Variants in TENM1 observed in about 807,000 individuals in gnomAD.
TENM1 encodes the protein teneurin transmembrane protein 1, also known as teneurin-1.
Under a neutral mutation model 174.8 loss-of-function variants are expected in TENM1, and 35 were observed. The observed-to-expected ratio is 0.20, with a 90% CI of 0.15 to 0.27. The LOEUF is 0.27. Ranked by LOEUF, TENM1 falls within the 10% of genes least tolerant of loss-of-function variation. The pLI, the probability that TENM1 is intolerant of heterozygous loss-of-function variation, is 1.00. For synonymous variants in TENM1, 781 were observed against 798.7 expected, an observed-to-expected ratio of 0.98 and a Z score of 0.37; for missense variants, 1,633 against 2,130.1, an observed-to-expected ratio of 0.77 and a Z score of 4.59.
At chrX:124,699,077 T>A (rs750533856) in intron 5 of TENM1, among the ~76,000 whole-genome samples, 3 of 112,243 alleles carry the variant, frequency 2.7e-5, no homozygotes, top group African/African-American at 9.7e-5. Flanking sequence ...TAACGACTTA[T>A]GCAATGTGGC....
chrX:125,123,722 C>T, the TENM1 span, among the ~76,000 whole-genome samples: 1 of 112,359 alleles, frequency 8.9e-6, no homozygotes, highest in African/African-American at 3.2e-5. Context: ...ACTTATAAAA[C>T]AACATTAATA....
At chrX:124,588,537 T>C (rs1364272472) in intron 11 of TENM1, among the ~76,000 whole-genome samples, 5 of 100,581 alleles carry the variant, frequency 5.0e-5, no homozygotes, top group Non-Finnish European at 6.0e-5. Context: ...CTCTGGGGAC[T>C]GTTGTGGGGT....
At chrX:125,191,720 G>C in the TENM1 span, among the ~76,000 whole-genome samples, 1 of 111,610 alleles carries the variant, frequency 9.0e-6, no homozygotes, top group Admixed American at 9.5e-5. Flanking sequence ...CTTTTCTGGT[G>C]ACATTATTAT....
intron 3 of TENM1, among the ~76,000 whole-genome samples, chrX:124,760,880 C>T (rs773250277): frequency 5.8e-4 from 65 of 111,410 alleles, no homozygotes; most frequent in African/African-American, 7.8e-4. Flanking sequence ...TCAAAAAGTG[C>T]GCAAAGGATA....
At chrX:124,659,254 G>T (rs2051529300) in intron 6 of TENM1, among the ~76,000 whole-genome samples, 1 of 111,255 alleles carries the variant, frequency 9.0e-6, no homozygotes, top group Non-Finnish European at 1.9e-5. Context: ...GGTCAAGGTG[G>T]AATAAAATAT....
rs144260591 is a variant in TENM1, at chrX:124,529,715, T to A, written c.2771+149A>T. ...AATCCAGTTTGAATTAATTAGGAAATAGAGGAAATAAATATCACCAATGAC... is the reference window on the plus strand; with the variant it reads ...AATCCAGTTTGAATTAATTAGGAAAAAGAGGAAATAAATATCACCAATGAC... On this transcript the variant is annotated intron_variant, in intron 16 of 31. Transcript: ENST00000422452. 2.6e-3 allele frequency: 1,952 copies of A among 755,054 alleles called. 32 individuals are homozygous for A. The African/African-American group carries it at 0.037, about 14-fold the overall frequency. 62.2% of individuals were successfully genotyped at this position (755,054 alleles called of 1,213,427 possible).
chrX:124,680,056 GA>G (rs199534628), intron 5 of TENM1, among the ~76,000 whole-genome samples: 2 of 110,202 alleles, frequency 1.8e-5, no homozygotes, highest in Admixed American at 1.9e-4. Context: ...CTAATTAAAA[GA>G]AAAAAAACAA....
chrX:125,126,267 T>C, the TENM1 span, among the ~76,000 whole-genome samples: 1 of 111,682 alleles, frequency 9.0e-6, no homozygotes, highest in Non-Finnish European at 1.9e-5. Context: ...TTAGCCTTGT[T>C]ACATCAATCA....
intron 14 of TENM1, among the ~76,000 whole-genome samples, chrX:124,548,819 G>C (rs758964086): frequency 9.0e-6 from 1 of 111,255 alleles, no homozygotes; most frequent in African/African-American, 3.3e-5. Context: ...CAATGAAAGC[G>C]AGGAACACCA....
At chrX:124,586,517 A>G (rs1329311385) in intron 11 of TENM1, among the ~76,000 whole-genome samples, 1 of 111,701 alleles carries the variant, frequency 9.0e-6, no homozygotes, top group Non-Finnish European at 1.9e-5. Context: ...TCAATAAACT[A>G]GGTGTTGATG....
chrX:124,409,610 C>T (rs1371681543), intron 25 of TENM1, among the ~76,000 whole-genome samples: 1 of 109,620 alleles, frequency 9.1e-6, no homozygotes, highest in Non-Finnish European at 1.9e-5. Flanking sequence ...GATTGTATAT[C>T]TAGAAAACCC....
chrX:124,510,816 C>CTG (rs1287559051), intron 18 of TENM1, among the ~76,000 whole-genome samples: 1 of 60,195 alleles, frequency 1.7e-5, no homozygotes, highest in Non-Finnish European at 3.2e-5. Context: ...TGAGACAATA[C>CTG]TGTCTTTGTA....
intron 28 of TENM1, among the ~76,000 whole-genome samples, chrX:124,390,718 C>T (rs190776877): frequency 8.9e-6 from 1 of 112,232 alleles, no homozygotes; most frequent in Admixed American, 9.4e-5. Context: ...CATCAATATA[C>T]ACCTTAAGAA....
chrX:124,861,520 C>T (rs1204415092), intron 3 of TENM1, among the ~76,000 whole-genome samples: 2 of 111,949 alleles, frequency 1.8e-5, no homozygotes, highest in Non-Finnish European at 3.8e-5. Flanking sequence ...TCTAGTCTTA[C>T]TTTAGGTGTG....
chrX:125,135,357 C>T, the TENM1 span, among the ~76,000 whole-genome samples: 2 of 111,741 alleles, frequency 1.8e-5, no homozygotes, highest in African/African-American at 6.5e-5. Context: ...CTTTCAAATG[C>T]TTGGCAGCAA....
rs1484629329 is a variant in TENM1, at chrX:124,615,259, C to T, written c.2077+26532G>A. Among the ~76,000 whole-genome samples the T allele has an allele frequency of 7.1e-5, 8 of 112,138 alleles. No individual in the cohort carries two copies. The East Asian group carries it at 2.2e-3, about 31-fold the overall frequency. ...TATGAAAGTGTCTTGGCTTCAAACCCTGAGTTAAAAGACTTAAAATTCAAA... is the reference window on the plus strand; with the variant it reads ...TATGAAAGTGTCTTGGCTTCAAACCTTGAGTTAAAAGACTTAAAATTCAAA... On this transcript the variant is annotated intron_variant, in intron 11 of 31. Coordinates refer to ENST00000422452, the Ensembl canonical transcript of TENM1.
At chrX:125,008,590 G>A in the TENM1 span, among the ~76,000 whole-genome samples, 3 of 112,246 alleles carry the variant, frequency 2.7e-5, no homozygotes, top group Non-Finnish European at 5.6e-5. Context: ...ATTCTTCTCA[G>A]TGCCACATGG....
At chrX:124,693,553 A>C (rs967520421) in intron 5 of TENM1, among the ~76,000 whole-genome samples, 1 of 111,047 alleles carries the variant, frequency 9.0e-6, no homozygotes, top group Non-Finnish European at 1.9e-5. Flanking sequence ...ATCAGTCAGT[A>C]TAGTATTCAT....
the TENM1 span, among the ~76,000 whole-genome samples, chrX:125,054,487 A>T: frequency 3.6e-5 from 4 of 111,075 alleles, no homozygotes; most frequent in Non-Finnish European, 7.5e-5. Flanking sequence ...AGATACATTT[A>T]AGTCTGTCCA....
Sources: gnomAD v4.1 joint callset for allele counts (sites outside exome capture counted in the v4.1 genomes callset) on GRCh38, gnomAD v4.1.1 for gene constraint, MANE v1.5 for transcripts, NCBI Gene and HGNC (gene_info 2026-07-23, HGNC 2026-07-21) for gene names.